The following CHD7 variants were observed in gnomAD, a reference collection of about 807,000 sequenced individuals.
The protein encoded by CHD7 is chromodomain helicase DNA binding protein 7, also known as ATP-dependent chromatin remodeler CHD7.
In CHD7, 24 loss-of-function variants were observed where a neutral mutation model predicts 307.3. The ratio of observed to expected loss-of-function variants is 0.08; its 90% CI spans 0.06 to 0.11. CHD7 has a LOEUF of 0.11. Among genes scored for constraint, CHD7 ranks in the 10% least tolerant of loss-of-function variants. The pLI, the probability that CHD7 is intolerant of heterozygous loss-of-function variation, is 1.00. For synonymous variants in CHD7, 1,363 were observed against 1,349.9 expected (o/e 1.01, Z -0.21); for missense variants, 3,106 against 3,727.1 (o/e 0.83, Z 4.34).
intron 7 of CHD7, among the ~76,000 whole-genome samples, chr8:60,816,001 G>T: frequency 6.6e-6 from 1 of 152,048 alleles, no homozygotes; most frequent in East Asian, 1.9e-4. Flanking sequence ...CAGAATTAAG[G>T]CCTCCCTGTA....
At chr8:60,756,137 CA>C (rs1809878495) in intron 2 of CHD7, among the ~76,000 whole-genome samples, 1 of 152,152 alleles carries the variant, frequency 6.6e-6, no homozygotes, top group Admixed American at 6.5e-5. Flanking sequence ...CCACACAAGC[CA>C]AATTATTTCA....
intron 3 of CHD7, 93 bp downstream of exon 3, chr8:60,781,523 G>A (rs1408232014): frequency 3.6e-6 from 5 of 1,407,730 alleles, no homozygotes. Flanking sequence ...GGGTGGGAGG[G>A]GACACAATGA....
chr8:60,849,098 C>A lies in CHD7; in HGVS notation c.5348C>A (p.Ala1783Glu). ...IPEPFHAEVPADWWDKEADKS... is the reference protein window; with the variant it reads ...IPEPFHAEVPEDWWDKEADKS... ...GAACCTTTCCATGCTGAAGTTCCTG[C>A]AGATTGGTGGGATAAGGAAGCAGAC... The change falls in exon 25 of 38, where the codon GCA (alanine) becomes GAA (glutamate). Residue 1783 changes from alanine (A) to glutamate (E), a missense_variant. Ala to Glu is a moderately radical substitution (Grantham distance 107, BLOSUM62 -1). Transcript: ENST00000423902. 6.2e-7 allele frequency: 1 copy of A among 1,613,666 alleles called. No individual in the cohort carries two copies. The highest frequency in any genetic ancestry group is 8.5e-7 in the Non-Finnish European group (1 of 1,179,682).
chr8:60,856,952 TC>T, intron 34 of CHD7, 64 bp downstream of exon 34: 3 of 1,405,108 alleles, frequency 2.1e-6, no homozygotes, highest in Non-Finnish European at 2.9e-6. Flanking sequence ...CCTGTGATGC[TC>T]ACGATGCTGG....
At chr8:60,762,026 A>C (rs577689281) in intron 2 of CHD7, among the ~76,000 whole-genome samples, 1 of 151,990 alleles carries the variant, frequency 6.6e-6, no homozygotes, top group African/African-American at 2.4e-5. Flanking sequence ...TTCCTTTCCA[A>C]TTGCCATGAG....
chr8:60,730,160 G>A (rs1808367352), intron 1 of CHD7, among the ~76,000 whole-genome samples: 1 of 152,178 alleles, frequency 6.6e-6, no homozygotes, highest in Non-Finnish European at 1.5e-5. Flanking sequence ...GTTAATTACT[G>A]ATAGTATTAT....
At chr8:60,761,301 A>G (rs1022261795) in intron 2 of CHD7, among the ~76,000 whole-genome samples, 5 of 132,028 alleles carry the variant, frequency 3.8e-5, no homozygotes, top group South Asian at 2.4e-4. Flanking sequence ...ATGAGAACGC[A>G]TGGACACAGG....
In CHD7 at chr8:60,852,837, G is replaced by A. The variant is rs747846723; in HGVS notation, c.6112G>A (p.Asp2038Asn). 48 of 1,611,706 alleles carry A rather than the reference G, an allele frequency of 3.0e-5. No individual in the cohort carries two copies. The highest frequency in any genetic ancestry group is 2.2e-5 in the East Asian group (1 of 44,818). Residue 2038 changes from aspartate to asparagine, a missense_variant, in exon 31 of 38, where the codon GAC (aspartate) becomes AAC (asparagine). Physicochemically the swap from Asp to Asn is conservative, Grantham distance 23. Around this residue, in one of 10 missense-constraint regions of CHD7, gnomAD observed 1,030 missense variants for 1,165.4 expected, o/e 0.88. Transcript: ENST00000423902. ...MPVKPDDEPP[D>N]LSSIIEPITE... ...GCCCTTCTGTGTTACAGAACCGCCC[G>A]ACCTCTCCTCCATAATTGAGCCGAT... is the stretch of plus-strand genomic sequence containing the variant.
chr8:60,737,501 A>G (rs1282040645), intron 1 of CHD7, among the ~76,000 whole-genome samples: 1 of 152,180 alleles, frequency 6.6e-6, no homozygotes, highest in African/African-American at 2.4e-5. Flanking sequence ...TTGGATTAGA[A>G]GGTCTTCAGA....
At chr8:60,754,396 G>A (rs1032148202) in intron 2 of CHD7, among the ~76,000 whole-genome samples, 1 of 152,162 alleles carries the variant, frequency 6.6e-6, no homozygotes, top group Non-Finnish European at 1.5e-5. Context: ...ACAGCATGTG[G>A]TATATGCCCA....
chr8:60,814,196 A>G (rs569628780), intron 7 of CHD7, among the ~76,000 whole-genome samples: 3 of 152,284 alleles, frequency 2.0e-5, no homozygotes, highest in Non-Finnish European at 4.4e-5. Flanking sequence ...AGCCTCCAGA[A>G]TGGGTTATCA....
chr8:60,733,693 A>G (rs1808569090), intron 1 of CHD7, among the ~76,000 whole-genome samples: 1 of 152,230 alleles, frequency 6.6e-6, no homozygotes, highest in Non-Finnish European at 1.5e-5. Context: ...TGCACTTAGT[A>G]TAAGCTGTTA....
At chr8:60,725,198 T>A (rs1485746449) in intron 1 of CHD7, among the ~76,000 whole-genome samples, 1 of 152,192 alleles carries the variant, frequency 6.6e-6, no homozygotes, top group Non-Finnish European at 1.5e-5. Context: ...GGATTTCAGA[T>A]GTGTGGAAAT....
At chr8:60,822,377 A>T (rs1217590539) in intron 11 of CHD7, 126 bp from the exon 12 acceptor site, 2 of 934,116 alleles carry the variant, frequency 2.1e-6, no homozygotes, top group Middle Eastern at 3.1e-4. Context: ...ATTTTGTTGA[A>T]TCTAAGAGAA....
chr8:60,848,602 A>G lies in CHD7; in HGVS notation c.5298A>G (p.Ser1766=). Residue 1766 remains serine (S), a splice_region_variant and synonymous_variant, in exon 24 of 38, where the codon TCA becomes TCG. Transcript: ENST00000423902. ...QADKILEGAD[S]SEADVWIPEP... ...ATAAGATCTTAGAGGGTGCTGACTC[A>G]AGGTTAGTGCGAGCTCACATTTGTT... is the stretch of plus-strand genomic sequence containing the variant. The G allele has an allele frequency of 6.2e-7, 1 of 1,611,640 alleles. No homozygotes were observed. The highest frequency in any genetic ancestry group is 8.5e-7 in the Non-Finnish European group (1 of 1,178,182).
At chr8:60,859,373 C>T (rs1448398278) in intron 34 of CHD7, among the ~76,000 whole-genome samples, 2 of 152,186 alleles carry the variant, frequency 1.3e-5, no homozygotes, top group Non-Finnish European at 2.9e-5. Context: ...GTGCATTCAG[C>T]AACAGTGGAC....
Position 60,800,373 on chromosome 8 carries a change from G to T in CHD7, c.2239-15G>T, listed in dbSNP as rs1464218194. 1 of 1,611,588 alleles carries T rather than the reference G, an allele frequency of 6.2e-7. No individual in the cohort carries two copies. Among genetic ancestry groups the T allele is most frequent in the East Asian group, 2.2e-5 (1 of 44,794 alleles). ...TCATTAATTTCAAGGCCACTGTCTT[G>T]GGTTTTTGTTTTAGAAGAGACGGTC... On this transcript the variant is annotated splice_polypyrimidine_tract_variant and intron_variant, in intron 4 of 37. Transcript: ENST00000423902.
chr8:60,806,677 TTGA>T (rs1280564163), intron 6 of CHD7, among the ~76,000 whole-genome samples: 3 of 152,218 alleles, frequency 2.0e-5, no homozygotes, highest in Admixed American at 6.5e-5. Flanking sequence ...AGACTCCTTC[TTGA>T]TGATTTCTAG....
intron 21 of CHD7, among the ~76,000 whole-genome samples, chr8:60,844,393 A>C (rs1805109852): frequency 6.6e-6 from 1 of 152,208 alleles, no homozygotes; most frequent in Non-Finnish European, 1.5e-5. Flanking sequence ...TGACTGTGGC[A>C]TCCCCTTAGA....
Sources: gnomAD v4.1 joint callset for allele counts (sites outside exome capture counted in the v4.1 genomes callset) on GRCh38, gnomAD v4.1.1 for gene constraint, gnomAD v4.1.1 regional missense constraint, MANE v1.5 for transcripts, NCBI Gene and HGNC (gene_info 2026-07-23, HGNC 2026-07-21) for gene names.